Variants in SCD5 observed in about 807,000 individuals in gnomAD.
SCD5 encodes the protein stearoyl-CoA desaturase 5, also known as acyl-CoA-desaturase 4.
In SCD5, 20 loss-of-function variants were observed where a neutral mutation model predicts 30.4. The observed-to-expected ratio is 0.66, with a 90% CI of 0.46 to 0.96. The LOEUF is 0.96. SCD5 is among the 40% of genes least tolerant of loss of function. The pLI, the probability that SCD5 is intolerant of heterozygous loss-of-function variation, is 0.00. For missense variants in SCD5, 381 were observed against 443.3 expected (o/e 0.86, Z 1.26); for synonymous variants, 173 against 176.4 (o/e 0.98, Z 0.16).
rs552714562 is a variant in SCD5, at chr4:82,666,959, G to A, written c.569+13748C>T. On this transcript the variant is annotated intron_variant, in intron 3 of 4. Transcript: ENST00000319540. Reference sequence around the variant, plus strand: ...AAGCAGTTAATAAATAGCAACTATAGCAATCTAGGGGAAAATAAATACATA... The same window carrying A: ...AAGCAGTTAATAAATAGCAACTATAACAATCTAGGGGAAAATAAATACATA... Among the ~76,000 whole-genome samples the A allele has an allele frequency of 2.6e-5, 4 of 152,226 alleles. No individual in the cohort carries two copies. The South Asian group carries it at 6.2e-4, about 24-fold the overall frequency.
intron 4 of SCD5, among the ~76,000 whole-genome samples, chr4:82,634,381 C>T (rs1014196660): frequency 2.0e-5 from 3 of 152,138 alleles, no homozygotes; most frequent in African/African-American, 7.2e-5. Context: ...CTGCCACTGA[C>T]CATGTTTAAA....
intron 3 of SCD5, among the ~76,000 whole-genome samples, chr4:82,658,368 A>T (rs1331194927): frequency 2.0e-5 from 3 of 150,836 alleles, no homozygotes; most frequent in South Asian, 2.1e-4. Context: ...GGTTTTTGTC[A>T]TTGGTTCTGT....
chr4:82,756,475 C>T (rs1273062376), intron 1 of SCD5, among the ~76,000 whole-genome samples: 1 of 152,210 alleles, frequency 6.6e-6, no homozygotes, highest in African/African-American at 2.4e-5. Context: ...CCTGTAATCC[C>T]AGCACTTTGG....
intron 2 of SCD5, among the ~76,000 whole-genome samples, chr4:82,699,686 G>A (rs1479644478): frequency 6.7e-6 from 1 of 148,358 alleles, no homozygotes. Context: ...TTTTTGAGAT[G>A]GAGTCTCCCA....
At chr4:82,794,618 T>G (rs376985735) in intron 1 of SCD5, among the ~76,000 whole-genome samples, 11 of 152,094 alleles carry the variant, frequency 7.2e-5, no homozygotes, top group Admixed American at 3.3e-4. Context: ...CAGATGCAGG[T>G]TTTTCCTCTA....
intron 3 of SCD5, among the ~76,000 whole-genome samples, chr4:82,647,959 T>C (rs558120269): frequency 1.1e-4 from 16 of 152,378 alleles, no homozygotes; most frequent in African/African-American, 3.6e-4. Flanking sequence ...TTGACCTTCC[T>C]TGATAGTGAG....
At chr4:82,707,074 T>A (rs1444651007) in intron 1 of SCD5, among the ~76,000 whole-genome samples, 1 of 152,252 alleles carries the variant, frequency 6.6e-6, no homozygotes, top group Non-Finnish European at 1.5e-5. Flanking sequence ...TCTTCTATGA[T>A]CCTTGTGGAG....
chr4:82,713,556 C>T (rs1720156329), intron 1 of SCD5, among the ~76,000 whole-genome samples: 1 of 152,178 alleles, frequency 6.6e-6, no homozygotes, highest in Non-Finnish European at 1.5e-5. Flanking sequence ...GCAATTGTCA[C>T]GTTGTTATTA....
chr4:82,643,170 GA>G, intron 3 of SCD5, among the ~76,000 whole-genome samples: 1 of 152,334 alleles, frequency 6.6e-6, no homozygotes. Flanking sequence ...GGAGGAATGT[GA>G]AGTGGCACAG....
chr4:82,769,966 C>G (rs577206806), intron 1 of SCD5, among the ~76,000 whole-genome samples: 3 of 152,162 alleles, frequency 2.0e-5, no homozygotes, highest in Non-Finnish European at 4.4e-5. Context: ...AAATACCTAA[C>G]TGAAATGCAT....
chr4:82,659,038 C>T (rs1291445704), intron 3 of SCD5, among the ~76,000 whole-genome samples: 1 of 152,068 alleles, frequency 6.6e-6, no homozygotes, highest in Non-Finnish European at 1.5e-5. Context: ...TTGAGGGATT[C>T]GACTTCTTCC....
At chr4:82,702,682 T>A (rs1719878811) in intron 2 of SCD5, among the ~76,000 whole-genome samples, 1 of 152,160 alleles carries the variant, frequency 6.6e-6, no homozygotes. Flanking sequence ...GGCATGACCA[T>A]TCCGGTGAAG....
rs116033823 is a variant in SCD5, at chr4:82,715,779, G to A, written c.233-10366C>T. Among the ~76,000 whole-genome samples, 566 of 151,832 alleles carry A rather than the reference G, an allele frequency of 3.7e-3. 14 individuals are homozygous for A. The highest frequency in any genetic ancestry group is 0.013 in the African/African-American group (538 of 41,130). On this transcript the variant is annotated intron_variant, in intron 1 of 4. Transcript: ENST00000319540. Reference sequence around the variant, plus strand: ...TAAGAACTCTTAGCTGTCATAGGATGATGCTGACAGCCTAGCTCTTGACCA... The same window carrying A: ...TAAGAACTCTTAGCTGTCATAGGATAATGCTGACAGCCTAGCTCTTGACCA...
chr4:82,696,282 C>T (rs1880719), intron 2 of SCD5, among the ~76,000 whole-genome samples: 52,233 of 152,058 alleles, frequency 0.34, 10,322 homozygotes, highest in Admixed American at 0.45. Flanking sequence ...ATCTTTGGAG[C>T]GTGATAAGGC....
At chr4:82,658,132 A>G (rs962239125) in intron 3 of SCD5, among the ~76,000 whole-genome samples, 9 of 152,092 alleles carry the variant, frequency 5.9e-5, no homozygotes, top group Non-Finnish European at 1.0e-4. Context: ...CCAATACTAC[A>G]TTGAATAGGA....
chr4:82,788,320 C>T (rs1014412914), intron 1 of SCD5, among the ~76,000 whole-genome samples: 3 of 152,226 alleles, frequency 2.0e-5, no homozygotes, highest in Admixed American at 6.5e-5. Context: ...GGCTGAGCCA[C>T]CCATAGTAAT....
At chr4:82,697,492 A>G (rs1433439054) in intron 2 of SCD5, among the ~76,000 whole-genome samples, 1 of 152,026 alleles carries the variant, frequency 6.6e-6, no homozygotes, top group Non-Finnish European at 1.5e-5. Context: ...CTGTCTAATT[A>G]CCCTCTTGCT....
At chr4:82,783,213 C>T (rs1191118180) in intron 1 of SCD5, among the ~76,000 whole-genome samples, 2 of 152,186 alleles carry the variant, frequency 1.3e-5, no homozygotes, top group African/African-American at 2.4e-5. Context: ...TCTGTTTCCA[C>T]CCATCTCCAG....
Position 82,757,578 on chromosome 4 carries a change from T to G in SCD5, c.232+40728A>C, listed in dbSNP as rs534115049. Reference sequence around the variant, plus strand: ...CAGCTAGTAAGTGACTGCACTGGTATTCAAACCCAAATCTATTATTGTGGG... The same window carrying G: ...CAGCTAGTAAGTGACTGCACTGGTAGTCAAACCCAAATCTATTATTGTGGG... On this transcript the variant is annotated intron_variant, in intron 1 of 4. Transcript: ENST00000319540. Among the ~76,000 whole-genome samples, 5 of 152,344 alleles carry G rather than the reference T, an allele frequency of 3.3e-5. No homozygotes were observed. In the South Asian group the frequency reaches 6.2e-4, roughly 19 times the overall value.
Sources: gnomAD v4.1 joint callset for allele counts (sites outside exome capture counted in the v4.1 genomes callset) on GRCh38, gnomAD v4.1.1 for gene constraint, MANE v1.5 for transcripts, NCBI Gene and HGNC (gene_info 2026-07-23, HGNC 2026-07-21) for gene names.